PATE4: variants seen among roughly 807,000 people sequenced by gnomAD.
The protein encoded by PATE4 is prostate and testis expressed 4, also known as prostate and testis expressed protein 4.
A neutral mutation model predicts 8.5 loss-of-function variants in PATE4; 13 were observed. That is an observed-to-expected ratio of 1.53 (90% confidence interval 1.00 to 2.43). The LOEUF is 2.43. Ranked by LOEUF, PATE4 falls within the 30% of genes most tolerant of loss-of-function variation. The probability of loss-of-function intolerance (pLI) is 0.00; values close to 1 mark genes in which losing one functional copy is unlikely to be tolerated. For synonymous variants in PATE4, 47 were observed against 39.3 expected, an observed-to-expected ratio of 1.20 and a Z score of -0.73; for missense variants, 127 against 115.5, an observed-to-expected ratio of 1.10 and a Z score of -0.46.
intron 1 of PATE4, among the ~76,000 whole-genome samples, chr11:125,834,067 C>A (rs549198557): frequency 6.6e-6 from 1 of 152,208 alleles, no homozygotes; most frequent in African/African-American, 2.4e-5. Context: ...ATATTTCTAC[C>A]TTATATTTCT....
Position 125,838,823 on chromosome 11 carries a change from A to G in PATE4, c.*396A>G, listed in dbSNP as rs905432417. On this transcript the variant is annotated 3_prime_UTR_variant, in exon 3 of 3. Transcript: ENST00000457514. ...TCTTGAGAAGGGGAGGTTATCTTGC[A>G]TTATCTGGGGGGGCCCTAAGTGGAA... 6.0e-6 allele frequency: 1 copy of G among 166,430 alleles called. No individual in the cohort carries two copies. The highest frequency in any genetic ancestry group is 1.7e-4 in the East Asian group (1 of 5,934). 10.3% of individuals were successfully genotyped at this position (166,430 alleles called of 1,614,324 possible).
Position 125,839,908 on chromosome 11 carries a change from T to C in PATE4, c.*1481T>C, listed in dbSNP as rs1177790199. 6.6e-6 allele frequency: 1 copy of C among 152,200 alleles called. No homozygotes were observed. The highest frequency in any genetic ancestry group is 1.9e-4 in the East Asian group (1 of 5,190). The allele number at this position is 152,200 out of a possible 1,614,324, so 9.4% of individuals were successfully genotyped here. Reference sequence around the variant, plus strand: ...TTAAAACTCTCCTCTCTAGCTCCTATGACTGTACATTTGTAGTTCTCCCAC... The same window carrying C: ...TTAAAACTCTCCTCTCTAGCTCCTACGACTGTACATTTGTAGTTCTCCCAC... On this transcript the variant is annotated 3_prime_UTR_variant, in exon 3 of 3. Transcript: ENST00000457514.
chr11:125,838,515 T>C lies in PATE4; in HGVS notation c.*88T>C. 1 of 1,419,720 alleles carries C rather than the reference T, an allele frequency of 7.0e-7. No homozygotes were observed. The highest frequency in any genetic ancestry group is 9.3e-7 in the Non-Finnish European group (1 of 1,077,536). The allele number at this position is 1,419,720 out of a possible 1,614,324, so 87.9% of individuals were successfully genotyped here. A position where few individuals can be genotyped will look rare whatever the true frequency, so the allele number is the denominator to read the frequency against. ...GAACTGTTTTATTTCCCACACCAAA[T>C]TCCACACTGGCCTAAGATCCCAGAG... On this transcript the variant is annotated 3_prime_UTR_variant, in exon 3 of 3. Transcript: ENST00000457514.
intron 1 of PATE4, 85 bp downstream of exon 1, chr11:125,833,502 T>C: frequency 7.8e-7 from 1 of 1,279,256 alleles, no homozygotes; most frequent in Non-Finnish European, 1.1e-6. Flanking sequence ...ACTCACATGC[T>C]CCAGCTGAGA....
rs1282874570 is a variant in PATE4, at chr11:125,838,374, G to A, written c.244G>A (p.Gly82Ser). 1 of 1,551,294 alleles carries A rather than the reference G, an allele frequency of 6.4e-7. No homozygotes were observed. Among genetic ancestry groups the A allele is most frequent in the African/African-American group, 1.4e-5 (1 of 72,998 alleles). The change falls in exon 3 of 3, where the codon GGC becomes AGC. Residue 82 changes from glycine (G) to serine (S), a missense_variant. Physicochemically the swap from Gly to Ser is moderately conservative, Grantham distance 56. Transcript: ENST00000457514. The stretch of plus-strand genomic sequence containing the variant: ...CCGGGAAGAGGAGTCCTCCAAAAGA[G>A]GCCTGTTGAGAGTGACACTGTGCTG... ...KCREEESSKR[G>S]LLRVTLCCDR...
rs1042185926 is a variant in PATE4 at position 125,839,321 on chromosome 11, T to C, written c.*894T>C. The C allele has an allele frequency of 6.6e-6, 1 of 152,168 alleles. No homozygotes were observed. The highest frequency in any genetic ancestry group is 1.5e-5 in the Non-Finnish European group (1 of 68,046). 9.4% of individuals were successfully genotyped at this position (152,168 alleles called of 1,614,324 possible). A position where few individuals can be genotyped will look rare whatever the true frequency, so the allele number is the denominator to read the frequency against. On this transcript the variant is annotated 3_prime_UTR_variant, in exon 3 of 3. Transcript: ENST00000457514. ...ACAGTGACCTGCAGGAAGAGAGGAA[T>C]AACAGAGCACATGCTATGAATAAAT...
rs551323273 is a variant in PATE4, at chr11:125,833,568, C to T, written c.58+151C>T. 2.4e-3 allele frequency among the ~76,000 whole-genome samples: 367 copies of T among 152,266 alleles called. 3 individuals are homozygous for T. The highest frequency in any genetic ancestry group is 0.024 in the Middle Eastern group (7 of 294). On this transcript the variant is annotated intron_variant, in intron 1 of 2. Transcript: ENST00000457514. ...GATGTCAGAGAGATCATATATAACACACTAATCCGGAAGAAAATGTACTAC... is the reference window on the plus strand; with the variant it reads ...GATGTCAGAGAGATCATATATAACATACTAATCCGGAAGAAAATGTACTAC...
intron 2 of PATE4, 114 bp downstream of exon 2, chr11:125,838,098 AT>A: frequency 2.0e-6 from 2 of 1,015,092 alleles, no homozygotes; most frequent in Non-Finnish European, 2.9e-6. Flanking sequence ...AAGGCAAGGA[AT>A]AAAAGAGGGG....
chr11:125,833,664 T>C (rs1458915882), intron 1 of PATE4, among the ~76,000 whole-genome samples: 1 of 152,220 alleles, frequency 6.6e-6, no homozygotes, highest in Non-Finnish European at 1.5e-5. Context: ...TATCTCATTT[T>C]GGACCCTTTC....
At chr11:125,833,541 A>T in intron 1 of PATE4, 124 bp downstream of exon 1, 1 of 822,202 alleles carries the variant, frequency 1.2e-6, no homozygotes, top group Non-Finnish European at 1.9e-6. Context: ...TCTGAGTTTC[A>T]GGATGTCAGA....
Position 125,838,325 on chromosome 11 carries a change from A to T in PATE4, c.195A>T (p.Ser65=). 1 of 1,549,478 alleles carries T rather than the reference A, an allele frequency of 6.5e-7. No individual in the cohort carries two copies. The highest frequency in any genetic ancestry group is 8.7e-7 in the Non-Finnish European group (1 of 1,146,014). The stretch of plus-strand genomic sequence containing the variant: ...TTTCAGGAGACAAACATATGTACTC[A>T]ACACATATGTGTAAGTATAAGTGCC... The part of the protein sequence containing the change: ...AYFRGDKHMY[S]THMCKYKCRE... The change falls in exon 3 of 3, where the codon TCA becomes TCT. Residue 65 remains serine, a synonymous_variant. Transcript: ENST00000457514.
In PATE4 at chr11:125,833,426, G is replaced by T; in HGVS notation, c.58+9G>T. On this transcript the variant is annotated intron_variant, in intron 1 of 2. Coordinates refer to ENST00000457514, the MANE Select transcript of PATE4 (RefSeq NM_001144874.1). ...TCTCTACCTCAAAGAGGGTAAGTTT[G>T]AACAATGGGGGTGGAGGGAGGCAAC... The T allele has an allele frequency of 6.4e-7, 1 of 1,550,946 alleles. No homozygotes were observed. Among genetic ancestry groups the T allele is most frequent in the Non-Finnish European group, 8.7e-7 (1 of 1,146,384 alleles).
rs1348953965 is a variant in PATE4, at chr11:125,833,350, C to T, written c.-10C>T. The T allele has an allele frequency of 6.4e-7, 1 of 1,551,244 alleles. No individual in the cohort carries two copies. The highest frequency in any genetic ancestry group is 2.0e-5 in the Admixed American group (1 of 50,978). The stretch of plus-strand genomic sequence containing the variant: ...CTCAGCACACCGTCTGTCACCCAAA[C>T]AAGCATCCAATGAGGAAAATGAACA... On this transcript the variant is annotated 5_prime_UTR_variant, in exon 1 of 3. Coordinates refer to ENST00000457514, the MANE Select transcript of PATE4 (RefSeq NM_001144874.1).
chr11:125,838,822 CATT>C lies in PATE4; in HGVS notation c.*398_*400del, dbSNP rs1943939536. The C allele has an allele frequency of 6.0e-6, 1 of 166,428 alleles. No individual in the cohort carries two copies. Among genetic ancestry groups the C allele is most frequent in the Non-Finnish European group, 1.3e-5 (1 of 78,068 alleles). 10.3% of individuals were successfully genotyped at this position (166,428 alleles called of 1,614,324 possible). On this transcript the variant is annotated 3_prime_UTR_variant, in exon 3 of 3. Transcript: ENST00000457514. ...ATCTTGAGAAGGGGAGGTTATCTTG[CATT>C]ATCTGGGGGGGCCCTAAGTGGAATC...
At chr11:125,838,245 T>G in intron 2 of PATE4, 61 bp from the exon 3 acceptor site, 1 of 1,469,484 alleles carries the variant, frequency 6.8e-7, no homozygotes, top group Non-Finnish European at 9.0e-7. Context: ...GTGGTGAGTT[T>G]TAGTAAGTCA....
chr11:125,838,164 T>C, intron 2 of PATE4, 142 bp from the exon 3 acceptor site: 2 of 1,077,660 alleles, frequency 1.9e-6, no homozygotes, highest in Non-Finnish European at 2.6e-6. Flanking sequence ...CCAGAGCCAG[T>C]TACGGTGGCG....
intron 1 of PATE4, chr11:125,834,996 T>C (rs1379914514): frequency 1.3e-5 from 2 of 152,232 alleles, no homozygotes; most frequent in Non-Finnish European, 2.9e-5. Context: ...TTCCTTTATT[T>C]GGCAGATGAA....
At chr11:125,835,179 A>T in intron 1 of PATE4, 1 of 152,362 alleles carries the variant, frequency 6.6e-6, no homozygotes, top group Middle Eastern at 3.4e-3. Context: ...TTCGAAGAGC[A>T]TTATCAGTGT....
In PATE4 at chr11:125,839,288, C is replaced by T. The variant is rs1218929760; in HGVS notation, c.*861C>T. 1 of 152,212 alleles carries T rather than the reference C, an allele frequency of 6.6e-6. No individual in the cohort carries two copies. The highest frequency in any genetic ancestry group is 2.4e-5 in the African/African-American group (1 of 41,444). The allele number at this position is 152,212 out of a possible 1,614,324, so 9.4% of individuals were successfully genotyped here. Reference sequence around the variant, plus strand: ...CTAGGTGACAACAGTATCCACCGCTCAGGGCTTACAGTGACCTGCAGGAAG... The same window carrying T: ...CTAGGTGACAACAGTATCCACCGCTTAGGGCTTACAGTGACCTGCAGGAAG... On this transcript the variant is annotated 3_prime_UTR_variant, in exon 3 of 3. Transcript: ENST00000457514.
Sources: allele counts gnomAD v4.1 joint callset (sites outside exome capture counted in the v4.1 genomes callset), GRCh38; gene constraint gnomAD v4.1.1; transcripts MANE v1.5; gene names NCBI Gene and HGNC (gene_info 2026-07-23, HGNC 2026-07-21).